PPP2R5D: variants seen among roughly 807,000 people sequenced by gnomAD.
The protein encoded by PPP2R5D is protein phosphatase 2 regulatory subunit B'delta, also known as serine/threonine-protein phosphatase 2A 56 kDa regulatory subunit delta isoform.
PPP2R5D carries 12 observed loss-of-function variants against 79.1 expected under a neutral mutation model. The ratio of observed to expected loss-of-function variants is 0.15; its 90% CI spans 0.10 to 0.25. PPP2R5D has a LOEUF of 0.25. PPP2R5D is among the 10% of genes least tolerant of loss of function. The pLI, the probability that PPP2R5D is intolerant of heterozygous loss-of-function variation, is 1.00. For missense variants in PPP2R5D, 419 were observed against 760.2 expected, an observed-to-expected ratio of 0.55 and a Z score of 5.28; for synonymous variants, 277 against 286.6, an observed-to-expected ratio of 0.97 and a Z score of 0.34.
At position 42,984,630 on chromosome 6, in the gene PPP2R5D, G is replaced by A; in HGVS notation, c.-48G>A. The A allele has an allele frequency of 6.4e-7, 1 of 1,571,050 alleles. No individual in the cohort carries two copies. Among genetic ancestry groups the A allele is most frequent in the Non-Finnish European group, 8.6e-7 (1 of 1,160,090 alleles). On this transcript the variant is annotated 5_prime_UTR_variant, in exon 1 of 16. Transcript: ENST00000485511. ...GGCCGAGTGCGGCCGAGCAAAGCCG[G>A]AGCCGGAGCGGGGCCGCAGGAGACG...
Position 43,011,173 on chromosome 6 carries a change from A to G in PPP2R5D, c.1696A>G (p.Lys566Glu), listed in dbSNP as rs772602621. 1.2e-6 allele frequency: 2 copies of G among 1,614,090 alleles called. No individual in the cohort carries two copies. The highest frequency in any genetic ancestry group is 8.5e-7 in the Non-Finnish European group (1 of 1,180,014). ...VQMLKDIKKE[K>E]VLLRRKSELP... The stretch of plus-strand genomic sequence containing the variant: ...GATGCTAAAAGACATCAAGAAGGAG[A>G]AAGTGCTGCTGCGGAGGAAGTCGGA... Residue 566 changes from lysine (K) to glutamate (E), a missense_variant, in exon 16 of 16, where the codon AAA (lysine) becomes GAA (glutamate). Around this residue, in one of 5 missense-constraint regions of PPP2R5D, gnomAD observed 84 missense variants for 105.4 expected, o/e 0.80. Coordinates refer to ENST00000485511, the MANE Select transcript of PPP2R5D (RefSeq NM_006245.4).
chr6:43,011,270 G>T lies in PPP2R5D; in HGVS notation c.1793G>T (p.Ser598Ile). The change falls in exon 16 of 16, where the codon AGC (serine) becomes ATC (isoleucine). Residue 598 changes from serine to isoleucine, a missense_variant. This residue lies in a region of PPP2R5D where 84 missense variants were observed against 105.4 expected (regional missense o/e 0.80). Coordinates refer to ENST00000485511, the MANE Select transcript of PPP2R5D (RefSeq NM_006245.4). ...CGGGCGGAAGAGTTCCTAACTGCCAGCCAGGAGGCTCTCTGACCCCTCACG... is the reference window on the plus strand; with the variant it reads ...CGGGCGGAAGAGTTCCTAACTGCCATCCAGGAGGCTCTCTGACCCCTCACG... ...HKRAEEFLTA[S>I]QEAL The T allele has an allele frequency of 6.2e-7, 1 of 1,613,994 alleles. No individual in the cohort carries two copies. Among genetic ancestry groups the T allele is most frequent in the South Asian group, 1.1e-5 (1 of 91,082 alleles).
chr6:42,986,403 C>T (rs1049916542), intron 1 of PPP2R5D, among the ~76,000 whole-genome samples: 4 of 152,062 alleles, frequency 2.6e-5, no homozygotes, highest in African/African-American at 9.7e-5. Flanking sequence ...GGGCTGCCAT[C>T]TCTGACCTTT....
Position 43,008,328 on chromosome 6 carries a change from C to T in PPP2R5D, c.918-39C>T. ...CAGGATTGGTGTACTGAACTTGGAT[C>T]TGACCCTCTGGTCCTAACAAATGTC... is the stretch of plus-strand genomic sequence containing the variant. On this transcript the variant is annotated intron_variant, in intron 8 of 15. Transcript: ENST00000485511. The surrounding 1 kb of genome is among the most constrained non-coding windows in gnomAD (Gnocchi z 4.2). 2 of 1,613,332 alleles carry T rather than the reference C, an allele frequency of 1.2e-6. No individual in the cohort carries two copies. The highest frequency in any genetic ancestry group is 1.7e-6 in the Non-Finnish European group (2 of 1,179,290).
chr6:43,008,664 C>T lies in PPP2R5D; in HGVS notation c.1027-29C>T. ...CTGAGAGCTTCTAGGACCTACACCT[C>T]ACCTCCCTTCTACCTCACACCTTTG... On this transcript the variant is annotated intron_variant, in intron 9 of 15. Transcript: ENST00000485511. This position sits in a 1 kb window ranked among gnomAD's most constrained non-coding sequence, Gnocchi z 4.2. 6.2e-7 allele frequency: 1 copy of T among 1,610,836 alleles called. No individual in the cohort carries two copies. Among genetic ancestry groups the T allele is most frequent in the East Asian group, 2.2e-5 (1 of 44,870 alleles).
rs1241762150 is a variant in PPP2R5D at position 43,009,501 on chromosome 6, G to A, written c.1379+52G>A. ...GTGGGGATCCAGTTTGGGAAACTTTGAGGGTATGGAAGAACTAAAGAGCCA... is the reference window on the plus strand; with the variant it reads ...GTGGGGATCCAGTTTGGGAAACTTTAAGGGTATGGAAGAACTAAAGAGCCA... On this transcript the variant is annotated intron_variant, in intron 12 of 15. Coordinates refer to ENST00000485511, the MANE Select transcript of PPP2R5D (RefSeq NM_006245.4). This position sits in a 1 kb window ranked among gnomAD's most constrained non-coding sequence, Gnocchi z 5.6. The A allele has an allele frequency of 6.2e-7, 1 of 1,611,178 alleles. No homozygotes were observed. Among genetic ancestry groups the A allele is most frequent in the African/African-American group, 1.3e-5 (1 of 74,810 alleles).
In PPP2R5D at chr6:43,011,394, T is replaced by C. The variant is rs1367680249; in HGVS notation, c.*108T>C. 5 of 1,424,480 alleles carry C rather than the reference T, an allele frequency of 3.5e-6. No individual in the cohort carries two copies. The highest frequency in any genetic ancestry group is 4.8e-6 in the Non-Finnish European group (5 of 1,048,834). 88.2% of individuals were successfully genotyped at this position (1,424,480 alleles called of 1,614,324 possible). ...CTGTCTTGGGGGAAGGCAGCGCCTC[T>C]CTAGCTACTCAAGGGAGGGGGATGT... is the stretch of plus-strand genomic sequence containing the variant. On this transcript the variant is annotated 3_prime_UTR_variant, in exon 16 of 16. Coordinates refer to ENST00000485511, the MANE Select transcript of PPP2R5D (RefSeq NM_006245.4).
chr6:43,001,614 G>A (rs1253818034), intron 2 of PPP2R5D, among the ~76,000 whole-genome samples: 1 of 152,040 alleles, frequency 6.6e-6, no homozygotes, highest in Non-Finnish European at 1.5e-5. Flanking sequence ...GCTGGGCACG[G>A]TGGCTCACAC....
chr6:42,996,627 T>C (rs1295371741), intron 2 of PPP2R5D, among the ~76,000 whole-genome samples: 1 of 152,260 alleles, frequency 6.6e-6, no homozygotes, highest in Non-Finnish European at 1.5e-5. Flanking sequence ...GCTGCATTTG[T>C]GTCTGTCCTG....
rs1365716041 is a variant in PPP2R5D, at chr6:43,007,593, GA to G, written c.726+89del. On this transcript the variant is annotated intron_variant, in intron 6 of 15. Coordinates refer to ENST00000485511, the MANE Select transcript of PPP2R5D (RefSeq NM_006245.4). The surrounding 1 kb of genome is among the most constrained non-coding windows in gnomAD (Gnocchi z 4.5). ...CCCAGTGGCTCTTTCCCCTTAAGCT[GA>G]ATATATTGGGTTTCATCCATGTCTG... The G allele has an allele frequency of 7.8e-7, 1 of 1,278,646 alleles. No individual in the cohort carries two copies. The highest frequency in any genetic ancestry group is 1.1e-6 in the Non-Finnish European group (1 of 881,854). 79.2% of individuals were successfully genotyped at this position (1,278,646 alleles called of 1,614,324 possible). A position where few individuals can be genotyped will look rare whatever the true frequency, so the allele number is the denominator to read the frequency against.
rs747752597 is a variant in PPP2R5D, at chr6:43,011,335, C to T, written c.*49C>T. 3 of 1,609,360 alleles carry T rather than the reference C, an allele frequency of 1.9e-6. No homozygotes were observed. Among genetic ancestry groups the T allele is most frequent in the African/African-American group, 2.7e-5 (2 of 74,934 alleles). On this transcript the variant is annotated 3_prime_UTR_variant, in exon 16 of 16. Transcript: ENST00000485511. ...CCACAGCCCACACAGCCCTGGGACA[C>T]TGCCCTGGCCCTCCATACTCTGCTC...
rs1342073839 is a variant in PPP2R5D, at chr6:43,007,065, C to T, written c.477C>T (p.Ser159=). The change falls in exon 4 of 16, where the codon AGC becomes AGT. Residue 159 remains serine, a synonymous_variant. Coordinates refer to ENST00000485511, the MANE Select transcript of PPP2R5D (RefSeq NM_006245.4). The surrounding 1 kb of genome is among the most constrained non-coding windows in gnomAD (Gnocchi z 4.5). ...LNEMVEYITH[S]RDVVTEAIYP... ...AGATGGTGGAGTACATCACCCATAG[C>T]CGTGATGTTGTCACTGAGGCCATTT... 2.5e-6 allele frequency: 4 copies of T among 1,614,086 alleles called. No individual in the cohort carries two copies. The highest frequency in any genetic ancestry group is 1.1e-5 in the South Asian group (1 of 91,076).
chr6:42,989,768 CA>C, intron 2 of PPP2R5D, 80 bp downstream of exon 2: 6 of 1,382,656 alleles, frequency 4.3e-6, no homozygotes, highest in African/African-American at 1.4e-5. Context: ...TAGGGGATCC[CA>C]GGGGGTGAGG....
At position 43,007,369 on chromosome 6, in the gene PPP2R5D, A is replaced by G. The variant is rs751294841; in HGVS notation, c.634-45A>G. On this transcript the variant is annotated intron_variant, in intron 5 of 15. Transcript: ENST00000485511. The surrounding 1 kb of genome is among the most constrained non-coding windows in gnomAD (Gnocchi z 4.5). The stretch of plus-strand genomic sequence containing the variant: ...GGAGTGGGGCACTTGGAGGCCTGCA[A>G]GTCCTTGGGAACATCCCCTCAGTGG... 1.2e-6 allele frequency: 2 copies of G among 1,603,936 alleles called. No homozygotes were observed. Among genetic ancestry groups the G allele is most frequent in the South Asian group, 2.2e-5 (2 of 90,894 alleles).
At chr6:42,992,307 C>T (rs1771328037) in intron 2 of PPP2R5D, among the ~76,000 whole-genome samples, 1 of 152,156 alleles carries the variant, frequency 6.6e-6, no homozygotes, top group South Asian at 2.1e-4. Flanking sequence ...GATCCACCCG[C>T]CTCGGCCTCC....
intron 2 of PPP2R5D, among the ~76,000 whole-genome samples, chr6:42,991,134 C>T (rs575461249): frequency 3.2e-4 from 49 of 152,316 alleles, no homozygotes; most frequent in African/African-American, 1.0e-3. Context: ...TGTTATTCTG[C>T]ATTGCTTCTT....
In PPP2R5D at chr6:43,006,726, C is replaced by A. The variant is rs1762102185; in HGVS notation, c.322+47C>A. On this transcript the variant is annotated intron_variant, in intron 3 of 15. Coordinates refer to ENST00000485511, the MANE Select transcript of PPP2R5D (RefSeq NM_006245.4). This position sits in a 1 kb window ranked among gnomAD's most constrained non-coding sequence, Gnocchi z 4.7. Reference sequence around the variant, plus strand: ...GGGCTGTTTTACCAGTTCTAGTGGGCATCGGGAGTTGGTGGAATGGAAGTT... The same window carrying A: ...GGGCTGTTTTACCAGTTCTAGTGGGAATCGGGAGTTGGTGGAATGGAAGTT... 6.3e-7 allele frequency: 1 copy of A among 1,595,882 alleles called. No homozygotes were observed. The highest frequency in any genetic ancestry group is 8.6e-7 in the Non-Finnish European group (1 of 1,168,600).
rs763097547 is a variant in PPP2R5D at position 42,984,650 on chromosome 6, G to T, written c.-28G>T. 2 of 1,592,372 alleles carry T rather than the reference G, an allele frequency of 1.3e-6. No homozygotes were observed. The highest frequency in any genetic ancestry group is 1.7e-6 in the Non-Finnish European group (2 of 1,171,094). On this transcript the variant is annotated 5_prime_UTR_variant, in exon 1 of 16. Transcript: ENST00000485511. The stretch of plus-strand genomic sequence containing the variant: ...AGCCGGAGCCGGAGCGGGGCCGCAG[G>T]AGACGGGCCGGGTCCGGACGGGCCG...
At chr6:43,004,105 G>A (rs35772949) in intron 2 of PPP2R5D, among the ~76,000 whole-genome samples, 3,350 of 149,546 alleles carry the variant, frequency 0.022, 65 homozygotes, top group Non-Finnish European at 0.031. Flanking sequence ...TCACTGCAAC[G>A]TCCGCCTCCT....
Sources: allele counts gnomAD v4.1 joint callset (sites outside exome capture counted in the v4.1 genomes callset), GRCh38; gene constraint gnomAD v4.1.1; regional missense constraint gnomAD v4.1.1; non-coding constraint Gnocchi (gnomAD v3.1); transcripts MANE v1.5; gene names NCBI Gene and HGNC (gene_info 2026-07-23, HGNC 2026-07-21).